LGSN: variants seen among roughly 807,000 people sequenced by gnomAD.
LGSN encodes lengsin.
In LGSN, 21 loss-of-function variants were observed where a neutral mutation model predicts 19.5. The observed-to-expected ratio is 1.07, with a 90% CI of 0.76 to 1.55. The LOEUF is 1.55. Ranked by LOEUF, LGSN falls within the 40% of genes most tolerant of loss-of-function variation. LGSN has a pLI of 0.00. For synonymous variants in LGSN, 257 were observed against 215.6 expected (o/e 1.19, Z -1.68); for missense variants, 673 against 608.5 (o/e 1.11, Z -1.12).
chr6:63,505,736 T>G, the LGSN span, among the ~76,000 whole-genome samples: 2 of 152,202 alleles, frequency 1.3e-5, no homozygotes, highest in Non-Finnish European at 2.9e-5. Flanking sequence ...CTCGGCTCAC[T>G]GCAACCTCTT....
the LGSN span, among the ~76,000 whole-genome samples, chr6:63,534,222 A>C: frequency 6.6e-6 from 1 of 151,350 alleles, no homozygotes; most frequent in Non-Finnish European, 1.5e-5. Context: ...ATTACGTTTA[A>C]AAAAAAAGTT....
chr6:63,392,581 C>G, the LGSN span: 1 of 152,228 alleles, frequency 6.6e-6, no homozygotes, highest in Non-Finnish European at 1.5e-5. Context: ...CGCCACAGAC[C>G]CTCAACTTCA....
chr6:63,350,233 T>G, the LGSN span, among the ~76,000 whole-genome samples: 1 of 152,254 alleles, frequency 6.6e-6, no homozygotes, highest in Admixed American at 6.5e-5. Flanking sequence ...CTGTGTTCTA[T>G]TCAATTATTA....
the LGSN span, among the ~76,000 whole-genome samples, chr6:63,560,358 G>A: frequency 1.3e-4 from 18 of 138,016 alleles, no homozygotes; most frequent in Admixed American, 2.2e-4. Flanking sequence ...AAAAAAAAAA[G>A]AAAGAAAGAA....
At chr6:63,380,229 A>T in the LGSN span, among the ~76,000 whole-genome samples, 1 of 152,226 alleles carries the variant, frequency 6.6e-6, no homozygotes, top group Non-Finnish European at 1.5e-5. Flanking sequence ...CTGTTTCAAC[A>T]CATCTCTCTC....
At chr6:63,514,377 A>T in the LGSN span, among the ~76,000 whole-genome samples, 1 of 152,138 alleles carries the variant, frequency 6.6e-6, no homozygotes, top group African/African-American at 2.4e-5. Flanking sequence ...ACAGCCATGC[A>T]CCACCATGCC....
chr6:63,340,271 G>A, the LGSN span, among the ~76,000 whole-genome samples: 4 of 151,850 alleles, frequency 2.6e-5, no homozygotes, highest in Non-Finnish European at 5.9e-5. Context: ...ATCTATTTGG[G>A]GATCTTTGAG....
the LGSN span, among the ~76,000 whole-genome samples, chr6:63,547,498 ATTTT>A: frequency 1.1e-5 from 1 of 90,780 alleles, no homozygotes; most frequent in African/African-American, 4.2e-5. Flanking sequence ...CCAGGGGGGA[ATTTT>A]TTTTTTTTTT....
the LGSN span, among the ~76,000 whole-genome samples, chr6:63,353,855 T>C: frequency 6.6e-6 from 1 of 152,106 alleles, no homozygotes; most frequent in East Asian, 1.9e-4. Flanking sequence ...ATAAGGCAAC[T>C]GATTTTTTTT....
the LGSN span, among the ~76,000 whole-genome samples, chr6:63,336,058 G>A: frequency 4.6e-5 from 7 of 151,924 alleles, no homozygotes; most frequent in African/African-American, 9.7e-5. Context: ...GACAGATATC[G>A]CAAACTGGTA....
At chr6:63,508,321 G>T in the LGSN span, among the ~76,000 whole-genome samples, 2 of 152,144 alleles carry the variant, frequency 1.3e-5, no homozygotes, top group Non-Finnish European at 2.9e-5. Context: ...GAAGAACAAA[G>T]TAGTAGTAAG....
In LGSN at chr6:63,280,459, G is replaced by A. The variant is rs143202391; in HGVS notation, c.1092C>T (p.Ser364=). ...ALSCLMAPSV[S]CRKRYSKDRK... Reference sequence around the variant, plus strand: ...TGTCCTTGGAATAACGCTTTCGGCAGCTAACAGAAGGCGCCATCAGGCAGC... The same window carrying A: ...TGTCCTTGGAATAACGCTTTCGGCAACTAACAGAAGGCGCCATCAGGCAGC... The change falls in exon 4 of 4, where the codon AGC becomes AGT. Residue 364 remains serine, a synonymous_variant. Transcript: ENST00000370657. The A allele has an allele frequency of 6.9e-5, 111 of 1,614,056 alleles. No individual in the cohort carries two copies. The highest frequency in any genetic ancestry group is 7.2e-5 in the Non-Finnish European group (85 of 1,180,042).
chr6:63,380,450 T>A, the LGSN span, among the ~76,000 whole-genome samples: 2 of 152,238 alleles, frequency 1.3e-5, no homozygotes, highest in Non-Finnish European at 2.9e-5. Context: ...ACAGACCTAT[T>A]TTTATGTTCA....
the LGSN span, among the ~76,000 whole-genome samples, chr6:63,482,622 A>G: frequency 3.3e-5 from 5 of 152,142 alleles, no homozygotes; most frequent in African/African-American, 9.7e-5. Context: ...CCAGCTTCTC[A>G]GGAGAAGGCA....
chr6:63,299,445 G>C (rs764337955), intron 1 of LGSN, among the ~76,000 whole-genome samples: 3 of 152,094 alleles, frequency 2.0e-5, no homozygotes, highest in Non-Finnish European at 4.4e-5. Context: ...GCAAAAGATG[G>C]TACAATATTT....
rs62414973 is a variant in LGSN, at chr6:63,280,094, G to T, written c.1457C>A (p.Ala486Asp). The change falls in exon 4 of 4, where the codon GCC becomes GAC. Residue 486 changes from alanine (A) to aspartate (D), a missense_variant. Ala to Asp is a moderately radical substitution (Grantham distance 126). Coordinates refer to ENST00000370657, the MANE Select transcript of LGSN (RefSeq NM_016571.3). Reference sequence around the variant, plus strand: ...ATTCTCCAACTCATATTTCTTCATGGCAACAAAATATCGAATAAAGGTTTC... The same window carrying T: ...ATTCTCCAACTCATATTTCTTCATGTCAACAAAATATCGAATAAAGGTTTC... Reference protein sequence around the residue: ...LGETFIRYFVAMKKYELENEE... With the variant: ...LGETFIRYFVDMKKYELENEE... 2.1e-5 allele frequency: 34 copies of T among 1,613,412 alleles called. No homozygotes were observed. Among genetic ancestry groups the T allele is most frequent in the Admixed American group, 1.7e-5 (1 of 59,948 alleles).
At chr6:63,422,590 T>C in the LGSN span, among the ~76,000 whole-genome samples, 4 of 152,208 alleles carry the variant, frequency 2.6e-5, no homozygotes, top group Non-Finnish European at 4.4e-5. Context: ...ATTTGCATGA[T>C]GACATTAGTA....
the LGSN span, among the ~76,000 whole-genome samples, chr6:63,540,054 A>G: frequency 6.6e-6 from 1 of 152,144 alleles, no homozygotes; most frequent in African/African-American, 2.4e-5. Flanking sequence ...TCTTGGTCAA[A>G]TCAATATAGC....
At chr6:63,355,701 G>A in the LGSN span, among the ~76,000 whole-genome samples, 7 of 151,908 alleles carry the variant, frequency 4.6e-5, no homozygotes, top group Non-Finnish European at 1.0e-4. Context: ...GTTTTGAGAC[G>A]GAGTTTCACT....
Sources: allele counts gnomAD v4.1 joint callset (sites outside exome capture counted in the v4.1 genomes callset), GRCh38; gene constraint gnomAD v4.1.1; transcripts MANE v1.5; gene names NCBI Gene and HGNC (gene_info 2026-07-23, HGNC 2026-07-21).